Variants in SLIT2 observed in about 807,000 individuals in gnomAD.
SLIT2 encodes the protein slit homolog 2 protein.
In SLIT2, 41 loss-of-function variants were observed where a neutral mutation model predicts 185.7. The observed-to-expected ratio is 0.22, with a 90% CI of 0.17 to 0.29. SLIT2 has a LOEUF of 0.29. SLIT2 is among the 10% of genes least tolerant of loss of function. SLIT2 has a pLI of 1.00. For missense variants in SLIT2, 1,571 were observed against 1,909.0 expected (o/e 0.82, Z 3.30); for synonymous variants, 693 against 680.2 (o/e 1.02, Z -0.29).
intron 4 of SLIT2, among the ~76,000 whole-genome samples, chr4:20,437,434 G>T (rs9993284): frequency 0.012 from 1,766 of 152,070 alleles, 14 homozygotes; most frequent in Non-Finnish European, 0.017. Context: ...GGGCAACATA[G>T]GGAGACCCTG....
At chr4:20,317,867 G>A (rs1339980562) in intron 4 of SLIT2, among the ~76,000 whole-genome samples, 3 of 152,002 alleles carry the variant, frequency 2.0e-5, no homozygotes, top group East Asian at 1.9e-4. Flanking sequence ...AAGAATCTAC[G>A]TCTTCTTGTT....
intron 16 of SLIT2, 137 bp from the exon 17 acceptor site, chr4:20,531,847 A>C: frequency 1.8e-6 from 1 of 543,696 alleles, no homozygotes; most frequent in South Asian, 2.8e-5. Flanking sequence ...ATGTTCCACA[A>C]ATCTTCTGTG....
At chr4:20,479,202 T>C (rs1456509090) in intron 5 of SLIT2, among the ~76,000 whole-genome samples, 1 of 152,320 alleles carries the variant, frequency 6.6e-6, no homozygotes, top group African/African-American at 2.4e-5. Flanking sequence ...CCTAGAGAAC[T>C]TCTTATAAAT....
intron 4 of SLIT2, among the ~76,000 whole-genome samples, chr4:20,269,637 A>C (rs1304074535): frequency 6.6e-6 from 1 of 151,946 alleles, no homozygotes; most frequent in African/African-American, 2.4e-5. Context: ...TGGAAAAATA[A>C]ATAGCAATGA....
chr4:20,462,135 T>G (rs1044390142), intron 4 of SLIT2, among the ~76,000 whole-genome samples: 1 of 148,924 alleles, frequency 6.7e-6, no homozygotes, highest in Admixed American at 6.7e-5. Flanking sequence ...GGTCAAATAC[T>G]GGAAATTAAC....
intron 4 of SLIT2, among the ~76,000 whole-genome samples, chr4:20,427,966 A>G (rs1169218332): frequency 6.6e-6 from 1 of 152,158 alleles, no homozygotes; most frequent in Non-Finnish European, 1.5e-5. Context: ...CCTGTGATCC[A>G]TACTGTGCTA....
chr4:20,421,564 T>C (rs1258835925), intron 4 of SLIT2, among the ~76,000 whole-genome samples: 1 of 152,190 alleles, frequency 6.6e-6, no homozygotes, highest in East Asian at 1.9e-4. Context: ...ACAAAGCCAT[T>C]TAAAATGCAT....
intron 4 of SLIT2, among the ~76,000 whole-genome samples, chr4:20,319,812 A>C (rs200401123): frequency 0.12 from 4,416 of 38,326 alleles, 190 homozygotes; most frequent in East Asian, 0.46. Flanking sequence ...AAAACAAAAC[A>C]AAAAAAAAAC....
At chr4:20,606,145 G>C (rs1728782558) in intron 33 of SLIT2, among the ~76,000 whole-genome samples, 2 of 152,154 alleles carry the variant, frequency 1.3e-5, no homozygotes, top group South Asian at 4.1e-4. Context: ...TACCAAGTTA[G>C]AATGTTATTA....
At chr4:20,550,556 A>G (rs927968395) in intron 24 of SLIT2, among the ~76,000 whole-genome samples, 3 of 151,918 alleles carry the variant, frequency 2.0e-5, no homozygotes, top group South Asian at 4.1e-4. Context: ...CTCACTCCAC[A>G]TTTATAAAAG....
chr4:20,464,086 T>C (rs1351446010), intron 4 of SLIT2, among the ~76,000 whole-genome samples: 2 of 152,038 alleles, frequency 1.3e-5, no homozygotes, highest in Non-Finnish European at 2.9e-5. Flanking sequence ...GTCTTCTCTA[T>C]TTTTTCTGTT....
chr4:20,477,355 C>A (rs542150806), intron 5 of SLIT2, among the ~76,000 whole-genome samples: 1 of 152,024 alleles, frequency 6.6e-6, no homozygotes, highest in Non-Finnish European at 1.5e-5. Context: ...CCCACCGCCA[C>A]GCCTGGCTAA....
rs116342105 is a variant in SLIT2 at position 20,343,151 on chromosome 4, G to A, written c.395+74270G>A. ...ACTTATACTCTTCTATCAAAGGTTAGGATTTATTCCATCTATCTAATTGTA... is the reference window on the plus strand; with the variant it reads ...ACTTATACTCTTCTATCAAAGGTTAAGATTTATTCCATCTATCTAATTGTA... On this transcript the variant is annotated intron_variant, in intron 4 of 36. Coordinates refer to ENST00000504154, the MANE Select transcript of SLIT2 (RefSeq NM_004787.4). 1.3e-3 allele frequency among the ~76,000 whole-genome samples: 205 copies of A among 152,020 alleles called. 1 individual carries two copies. Among genetic ancestry groups the A allele is most frequent in the African/African-American group, 4.8e-3 (200 of 41,490 alleles).
At chr4:20,577,415 C>A (rs923706912) in intron 29 of SLIT2, among the ~76,000 whole-genome samples, 6 of 152,124 alleles carry the variant, frequency 3.9e-5, no homozygotes, top group African/African-American at 1.4e-4. Context: ...TTATGATAAA[C>A]TTTTATCTCA....
intron 4 of SLIT2, among the ~76,000 whole-genome samples, chr4:20,388,963 AAT>A (rs917212777): frequency 8.1e-6 from 1 of 123,374 alleles, no homozygotes; most frequent in African/African-American, 2.8e-5. Flanking sequence ...TATGTCAAAA[AAT>A]ATATGTCAAA....
intron 4 of SLIT2, among the ~76,000 whole-genome samples, chr4:20,388,371 G>A (rs1725098922): frequency 6.6e-6 from 1 of 152,078 alleles, no homozygotes; most frequent in South Asian, 2.1e-4. Context: ...ATAAGCCAAG[G>A]AAACTCAATG....
chr4:20,573,546 T>G (rs575802752), intron 29 of SLIT2, among the ~76,000 whole-genome samples: 1 of 152,290 alleles, frequency 6.6e-6, no homozygotes, highest in South Asian at 2.1e-4. Context: ...TAATATAAAT[T>G]TTTTTAATTT....
chr4:20,406,005 CACTTTTGAG>C (rs1305111500), intron 4 of SLIT2, among the ~76,000 whole-genome samples: 2 of 144,484 alleles, frequency 1.4e-5, no homozygotes, highest in South Asian at 2.4e-4. Context: ...TGATGTGTGT[CACTTTTGAG>C]CTAATTCAGC....
intron 4 of SLIT2, among the ~76,000 whole-genome samples, chr4:20,446,952 A>G (rs1044002081): frequency 6.6e-6 from 1 of 152,210 alleles, no homozygotes; most frequent in African/African-American, 2.4e-5. Flanking sequence ...TATTGTGAAT[A>G]TTTTCACTGA....
Sources: gnomAD v4.1 joint callset for allele counts (sites outside exome capture counted in the v4.1 genomes callset) on GRCh38, gnomAD v4.1.1 for gene constraint, MANE v1.5 for transcripts, NCBI Gene and HGNC (gene_info 2026-07-23, HGNC 2026-07-21) for gene names.